Variants in FSTL5 observed in about 807,000 individuals in gnomAD.
FSTL5 encodes follistatin like 5.
FSTL5 carries 62 observed loss-of-function variants against 89.1 expected under a neutral mutation model. That is an observed-to-expected ratio of 0.70 (90% CI 0.57 to 0.86). FSTL5 has a LOEUF of 0.86. Ranked by LOEUF, FSTL5 falls within the 40% of genes least tolerant of loss-of-function variation. The pLI is 0.00. For synonymous variants in FSTL5, 383 were observed against 346.2 expected, an observed-to-expected ratio of 1.11 and a Z score of -1.18; for missense variants, 1,057 against 1,001.6, an observed-to-expected ratio of 1.06 and a Z score of -0.75.
chr4:161,783,068 AAAC>A (rs1455741434), intron 4 of FSTL5, among the ~76,000 whole-genome samples: 9 of 152,224 alleles, frequency 5.9e-5, no homozygotes, highest in African/African-American at 2.2e-4. Context: ...CATTAGCAGA[AAAC>A]ACAACAAAAT....
intron 11 of FSTL5, among the ~76,000 whole-genome samples, chr4:161,507,501 A>C (rs907178554): frequency 1.3e-5 from 2 of 151,954 alleles, no homozygotes; most frequent in Admixed American, 1.3e-4. Context: ...AAGTTTCTTT[A>C]GAGCAGATAT....
intron 3 of FSTL5, among the ~76,000 whole-genome samples, chr4:161,947,161 T>C (rs1355574289): frequency 6.6e-6 from 1 of 151,768 alleles, no homozygotes; most frequent in African/African-American, 2.4e-5. Context: ...TGTGTGTGTG[T>C]GCATCTTACT....
At chr4:162,066,367 T>TCTC (rs1561000597) in intron 2 of FSTL5, among the ~76,000 whole-genome samples, 56 of 136,572 alleles carry the variant, frequency 4.1e-4, no homozygotes, top group African/African-American at 1.3e-3. Context: ...TTCTTCTTCT[T>TCTC]CTTCTCCTTC....
At chr4:161,652,815 C>G (rs1736389259) in intron 7 of FSTL5, among the ~76,000 whole-genome samples, 2 of 151,822 alleles carry the variant, frequency 1.3e-5, no homozygotes, top group South Asian at 4.2e-4. Context: ...TATACATATT[C>G]AAAAGTCAGA....
intron 8 of FSTL5, among the ~76,000 whole-genome samples, chr4:161,561,126 C>A (rs1308521408): frequency 1.3e-5 from 2 of 151,792 alleles, no homozygotes; most frequent in African/African-American, 2.4e-5. Context: ...ACTTATAAGA[C>A]CACTATCTTA....
At chr4:161,869,161 G>T (rs1459631185) in intron 4 of FSTL5, among the ~76,000 whole-genome samples, 1 of 152,044 alleles carries the variant, frequency 6.6e-6, no homozygotes, top group Non-Finnish European at 1.5e-5. Flanking sequence ...GATCGCCACT[G>T]CACTCAGCCT....
At chr4:161,851,331 T>C (rs1014151974) in intron 4 of FSTL5, among the ~76,000 whole-genome samples, 4 of 152,174 alleles carry the variant, frequency 2.6e-5, no homozygotes, top group African/African-American at 7.2e-5. Flanking sequence ...AATGTGGGTT[T>C]CTTTCAGAGT....
At chr4:161,965,063 C>A (rs1411445665) in intron 3 of FSTL5, among the ~76,000 whole-genome samples, 1 of 152,044 alleles carries the variant, frequency 6.6e-6, no homozygotes, top group East Asian at 1.9e-4. Flanking sequence ...TAAAAGGGAA[C>A]TGATAATTCG....
At chr4:162,126,973 G>C (rs887775270) in intron 1 of FSTL5, among the ~76,000 whole-genome samples, 2 of 152,120 alleles carry the variant, frequency 1.3e-5, no homozygotes, top group African/African-American at 2.4e-5. Flanking sequence ...CACCAGCCTA[G>C]TGGTCAGCTT....
At chr4:162,097,434 A>T (rs1381259833) in intron 2 of FSTL5, among the ~76,000 whole-genome samples, 1 of 151,854 alleles carries the variant, frequency 6.6e-6, no homozygotes, top group East Asian at 1.9e-4. Flanking sequence ...CAATTATTTT[A>T]TTATTAAATG....
chr4:161,959,094 T>C (rs1018140729), intron 3 of FSTL5, among the ~76,000 whole-genome samples: 19 of 152,168 alleles, frequency 1.2e-4, no homozygotes, highest in Admixed American at 6.6e-5. Flanking sequence ...TGTTCCTTGA[T>C]ACCTGATGTC....
intron 1 of FSTL5, among the ~76,000 whole-genome samples, chr4:162,123,067 TA>T (rs1372971672): frequency 6.6e-6 from 1 of 151,958 alleles, no homozygotes; most frequent in Non-Finnish European, 1.5e-5. Context: ...TATTTGCTAT[TA>T]AAAAAAATCA....
chr4:161,737,911 C>A (rs1393201170), intron 6 of FSTL5, among the ~76,000 whole-genome samples: 1 of 152,006 alleles, frequency 6.6e-6, no homozygotes, highest in Non-Finnish European at 1.5e-5. Context: ...TGTAACCATT[C>A]TTACTCATTT....
chr4:161,864,870 C>A (rs1275315502), intron 4 of FSTL5, among the ~76,000 whole-genome samples: 108 of 92,350 alleles, frequency 1.2e-3, no homozygotes, highest in African/African-American at 2.4e-3. Context: ...GACTTCGTCT[C>A]AAAAAAAAAA....
At chr4:161,633,676 G>T (rs116748020) in intron 7 of FSTL5, among the ~76,000 whole-genome samples, 2,146 of 152,114 alleles carry the variant, frequency 0.014, 44 homozygotes, top group African/African-American at 0.047. Flanking sequence ...TAAATTAAGA[G>T]TATATCTTTC....
intron 14 of FSTL5, among the ~76,000 whole-genome samples, chr4:161,457,136 C>A (rs1021641932): frequency 1.3e-5 from 2 of 152,090 alleles, no homozygotes; most frequent in African/African-American, 4.8e-5. Flanking sequence ...ATTCTCTGAT[C>A]CAGAGATCTT....
At chr4:161,836,935 A>G (rs1260019785) in intron 4 of FSTL5, among the ~76,000 whole-genome samples, 1 of 152,070 alleles carries the variant, frequency 6.6e-6, no homozygotes, top group African/African-American at 2.4e-5. Flanking sequence ...GAGGAAGAAT[A>G]GTTTTGTGAA....
chr4:161,400,623 G>C (rs1310558596), intron 15 of FSTL5, among the ~76,000 whole-genome samples: 1 of 152,032 alleles, frequency 6.6e-6, no homozygotes, highest in Non-Finnish European at 1.5e-5. Context: ...GGTAATGATA[G>C]AACTATAAGT....
At chr4:161,727,162 C>T (rs1170236652) in intron 6 of FSTL5, among the ~76,000 whole-genome samples, 1 of 152,078 alleles carries the variant, frequency 6.6e-6, no homozygotes, top group Non-Finnish European at 1.5e-5. Context: ...AATGGCTGAA[C>T]ATTTACCCAG....
Sources: gnomAD v4.1 joint callset for allele counts (sites outside exome capture counted in the v4.1 genomes callset) on GRCh38, gnomAD v4.1.1 for gene constraint, MANE v1.5 for transcripts, NCBI Gene and HGNC (gene_info 2026-07-23, HGNC 2026-07-21) for gene names.